Variants in CATSPER1 observed in about 807,000 individuals in gnomAD.
The protein encoded by CATSPER1 is cation channel sperm-associated protein 1.
A neutral mutation model predicts 72.7 loss-of-function variants in CATSPER1; 57 were observed. The observed-to-expected ratio is 0.78, with a 90% CI of 0.63 to 0.98. CATSPER1 has a LOEUF of 0.98. Among genes scored for constraint, CATSPER1 ranks in the 50% least tolerant of loss-of-function variants. The pLI, the probability that CATSPER1 is intolerant of heterozygous loss-of-function variation, is 0.00. For missense variants in CATSPER1, 910 were observed against 1,033.9 expected (o/e 0.88, Z 1.64); for synonymous variants, 363 against 403.0 (o/e 0.90, Z 1.19).
At chr11:66,024,341 G>A (rs1419764350) in intron 1 of CATSPER1, among the ~76,000 whole-genome samples, 1 of 143,856 alleles carries the variant, frequency 7.0e-6, no homozygotes, top group Non-Finnish European at 1.5e-5. Context: ...GCAGTGGCAC[G>A]ATCTCGGCTC....
At position 66,022,844 on chromosome 11, in the gene CATSPER1, C is replaced by A; in HGVS notation, c.1429+5G>T. On this transcript the variant is annotated splice_donor_5th_base_variant and intron_variant, in intron 2 of 11. Transcript: ENST00000312106. Reference sequence around the variant, plus strand: ...TCCATGGGAACAGGACTCCCTGGCTCTTACCGCCCCGGATCTCGACTTCAG... The same window carrying A: ...TCCATGGGAACAGGACTCCCTGGCTATTACCGCCCCGGATCTCGACTTCAG... 1.2e-6 allele frequency: 2 copies of A among 1,614,188 alleles called. No individual in the cohort carries two copies. Among genetic ancestry groups the A allele is most frequent in the Non-Finnish European group, 1.7e-6 (2 of 1,180,016 alleles).
Position 66,020,114 on chromosome 11 carries a change from G to GGGGCCAGGGC in CATSPER1, c.2125+16_2125+25dup, listed in dbSNP as rs762206946. 2 of 1,611,514 alleles carry GGGGCCAGGGC rather than the reference G, an allele frequency of 1.2e-6. No individual in the cohort carries two copies. Among genetic ancestry groups the GGGGCCAGGGC allele is most frequent in the African/African-American group, 1.3e-5 (1 of 75,008 alleles). On this transcript the variant is annotated intron_variant, in intron 9 of 11. Coordinates refer to ENST00000312106, the MANE Select transcript of CATSPER1 (RefSeq NM_053054.4). This position sits in a 1 kb window ranked among gnomAD's most constrained non-coding sequence, Gnocchi z 4.5. ...TGGCCCCCACTGCGGACGGGCAGGT[G>GGGGCCAGGGC]GGGCCAGGGCGGGCCAGGCCCATAC...
intron 9 of CATSPER1, 125 bp from the exon 10 acceptor site, chr11:66,019,027 T>G (rs534417081): frequency 1.3e-6 from 1 of 780,548 alleles, no homozygotes; most frequent in African/African-American, 1.7e-5. Flanking sequence ...AGGTTGCTTC[T>G]CCGGGCATGC....
At chr11:66,018,803 C>A (rs1392765539) in intron 10 of CATSPER1, 24 bp downstream of exon 10, 1 of 1,611,608 alleles carries the variant, frequency 6.2e-7, no homozygotes, top group African/African-American at 1.3e-5. Context: ...GACCCCAGGC[C>A]TCGCTCCCTT....
At position 66,018,847 on chromosome 11, in the gene CATSPER1, CTT is replaced by C; in HGVS notation, c.2179_2180del (p.Lys727ValfsTer6). Reference sequence around the variant, plus strand: ...CTCACTTCTCAGTCATGGTCCCAAACTTTTTCTCGATGAGCCGCTTCAGCATG... The same window carrying C: ...CTCACTTCTCAGTCATGGTCCCAAACTTTCTCGATGAGCCGCTTCAGCATG... Reference protein sequence around the residue: ...GTMLKRLIEKKFGTMTEKQQE... With the variant: ...GTMLKRLIEKXFGTMTEKQQE... On this transcript the variant is annotated frameshift_variant, in exon 10 of 12. Coordinates refer to ENST00000312106, the MANE Select transcript of CATSPER1 (RefSeq NM_053054.4). LOFTEE classifies it high-confidence loss of function. The C allele has an allele frequency of 6.2e-7, 1 of 1,613,854 alleles. No individual in the cohort carries two copies. Among genetic ancestry groups the C allele is most frequent in the Non-Finnish European group, 8.5e-7 (1 of 1,180,016 alleles).
Position 66,020,742 on chromosome 11 carries a change from G to A in CATSPER1, c.1927+69C>T. Reference sequence around the variant, plus strand: ...ATCAGAAGCCCCACTTTGCCGATGGGGTCACTGAGCCCTGGCCGGTCCACC... The same window carrying A: ...ATCAGAAGCCCCACTTTGCCGATGGAGTCACTGAGCCCTGGCCGGTCCACC... On this transcript the variant is annotated intron_variant, in intron 6 of 11. Coordinates refer to ENST00000312106, the MANE Select transcript of CATSPER1 (RefSeq NM_053054.4). The surrounding 1 kb of genome is among the most constrained non-coding windows in gnomAD (Gnocchi z 4.5). 5 of 1,609,116 alleles carry A rather than the reference G, an allele frequency of 3.1e-6. No individual in the cohort carries two copies. Among genetic ancestry groups the A allele is most frequent in the Non-Finnish European group, 4.2e-6 (5 of 1,176,922 alleles).
chr11:66,017,207 G>T, intron 10 of CATSPER1, 33 bp from the exon 11 acceptor site: 1 of 1,493,114 alleles, frequency 6.7e-7, no homozygotes, highest in Non-Finnish European at 9.1e-7. Context: ...CAGAGACAGG[G>T]GCTGGGCTGA....
rs1856350318 is a variant in CATSPER1, at chr11:66,020,872, G to C, written c.1866C>G (p.Thr622=). 3 of 1,613,916 alleles carry C rather than the reference G, an allele frequency of 1.9e-6. No individual in the cohort carries two copies. The highest frequency in any genetic ancestry group is 2.5e-6 in the Non-Finnish European group (3 of 1,180,030). ...CATCCAGCGTGAGCAAGGTGAAGAG[G>C]GTGAAGATGGTGGTGAAGATGTTCT... ...RFQNIFTTIF[T]LFTLLTLDDW... The change falls in exon 6 of 12, where the codon ACC becomes ACG. Residue 622 remains threonine (T), a synonymous_variant. Coordinates refer to ENST00000312106, the MANE Select transcript of CATSPER1 (RefSeq NM_053054.4). This position sits in a 1 kb window ranked among gnomAD's most constrained non-coding sequence, Gnocchi z 4.5.
In CATSPER1 at chr11:66,023,046, C is replaced by T. The variant is rs372720906; in HGVS notation, c.1232G>A (p.Arg411Gln). The T allele has an allele frequency of 9.3e-6, 15 of 1,614,008 alleles. No individual in the cohort carries two copies. The highest frequency in any genetic ancestry group is 1.7e-5 in the Admixed American group (1 of 60,000). The change falls in exon 2 of 12, where the codon CGG becomes CAG. Residue 411 changes from arginine to glutamine, a missense_variant. By Grantham distance (43) the Arg-to-Gln change is conservative. Coordinates refer to ENST00000312106, the MANE Select transcript of CATSPER1 (RefSeq NM_053054.4). Reference sequence around the variant, plus strand: ...GGTAGAGTGTCCCTTCTTGCGGGTCCGCTGGAGCCGGCCGGCTGAAAGGAA... The same window carrying T: ...GGTAGAGTGTCCCTTCTTGCGGGTCTGCTGGAGCCGGCCGGCTGAAAGGAA... The part of the protein sequence containing the change: ...FQKRKTGRLQ[R>Q]TRKKGHSTNL...
intron 11 of CATSPER1, 37 bp downstream of exon 11, chr11:66,017,023 C>T (rs1371235013): frequency 3.1e-6 from 5 of 1,612,424 alleles, no homozygotes; most frequent in Non-Finnish European, 4.2e-6. Flanking sequence ...CCCTGGGGTT[C>T]CCCTCGCCGG....
chr11:66,016,964 C>T (rs780772575), intron 11 of CATSPER1, 48 bp from the exon 12 acceptor site: 3 of 1,613,966 alleles, frequency 1.9e-6, no homozygotes, highest in Non-Finnish European at 1.7e-6. Context: ...CAGACTTTGC[C>T]TTCCCCGATC....
intron 2 of CATSPER1, among the ~76,000 whole-genome samples, chr11:66,022,528 T>G (rs1856395806): frequency 6.6e-6 from 1 of 152,234 alleles, no homozygotes; most frequent in African/African-American, 2.4e-5. Context: ...CTCCAGGGCC[T>G]TCTCGGGCTC....
intron 2 of CATSPER1, 37 bp downstream of exon 2, chr11:66,022,812 T>A: frequency 6.2e-7 from 1 of 1,605,524 alleles, no homozygotes; most frequent in Non-Finnish European, 8.5e-7. Context: ...AGAGCATCGG[T>A]GGCTTCTCCA....
rs974968643 is a variant in CATSPER1 at position 66,025,548 on chromosome 11, G to T, written c.832C>A (p.His278Asn). The change falls in exon 1 of 12, where the codon CAC becomes AAC. Residue 278 changes from histidine to asparagine, a missense_variant. Transcript: ENST00000312106. ...HQGDHHPSEY[H>N]HGDHPHHTQH... ...GTGTGGTGGGGATGGTCGCCATGGT[G>T]GTACTCACTGGGGTGGTGATCACCT... is the stretch of plus-strand genomic sequence containing the variant. 1.2e-6 allele frequency: 2 copies of T among 1,601,810 alleles called. No individual in the cohort carries two copies. Among genetic ancestry groups the T allele is most frequent in the African/African-American group, 2.7e-5 (2 of 74,642 alleles).
At position 66,025,643 on chromosome 11, in the gene CATSPER1, G is replaced by T. The variant is rs754481236; in HGVS notation, c.737C>A (p.Thr246Asn). The part of the protein sequence containing the change: ...QHGKSPHHGE[T>N]ISPHSSVGSY... ...CCCCACAGAGGAATGAGGGGAAATG[G>T]TCTCTCCGTGATGAGGAGACTTTCC... The change falls in exon 1 of 12, where the codon ACC becomes AAC. Residue 246 changes from threonine (T) to asparagine (N), a missense_variant. By Grantham distance (65) the Thr-to-Asn change is moderately conservative. Coordinates refer to ENST00000312106, the MANE Select transcript of CATSPER1 (RefSeq NM_053054.4). 2.5e-6 allele frequency: 4 copies of T among 1,613,652 alleles called. No individual in the cohort carries two copies. The highest frequency in any genetic ancestry group is 3.3e-5 in the Admixed American group (2 of 59,908).
chr11:66,018,537 G>A (rs1856285300), intron 10 of CATSPER1, among the ~76,000 whole-genome samples: 1 of 152,152 alleles, frequency 6.6e-6, no homozygotes, highest in Non-Finnish European at 1.5e-5. Flanking sequence ...TGTCCTCTTT[G>A]GGTCCCTGGA....
In CATSPER1 at chr11:66,026,476, G is replaced by C. The variant is rs1407904851; in HGVS notation, c.-97C>G. 3 of 1,589,542 alleles carry C rather than the reference G, an allele frequency of 1.9e-6. No homozygotes were observed. The highest frequency in any genetic ancestry group is 1.7e-6 in the Non-Finnish European group (2 of 1,173,330). ...TCTTTCCTGAGCCAAGCTCAATGCA[G>C]ACTGTGGCACTGGGCTTCCAGAAAG... On this transcript the variant is annotated 5_prime_UTR_variant, in exon 1 of 12. Coordinates refer to ENST00000312106, the MANE Select transcript of CATSPER1 (RefSeq NM_053054.4).
chr11:66,017,027 T>G, intron 11 of CATSPER1, 33 bp downstream of exon 11: 1 of 1,612,812 alleles, frequency 6.2e-7, no homozygotes, highest in Non-Finnish European at 8.5e-7. Flanking sequence ...GGGGTTCCCC[T>G]CGCCGGCCCC....
At position 66,025,998 on chromosome 11, in the gene CATSPER1, C is replaced by G. The variant is rs367568797; in HGVS notation, c.382G>C (p.Asp128His). Residue 128 changes from aspartate (D) to histidine (H), a missense_variant, in exon 1 of 12, where the codon GAT (aspartate) becomes CAT (histidine). Coordinates refer to ENST00000312106, the MANE Select transcript of CATSPER1 (RefSeq NM_053054.4). ...TGGAACCCACCGTATTGGGACCCAT[C>G]ATGATGCCTCCTGCCATCACGTTGG... is the stretch of plus-strand genomic sequence containing the variant. ...ELQRDGRRHH[D>H]GSQYGGFHQQ... 89 of 1,613,974 alleles carry G rather than the reference C, an allele frequency of 5.5e-5. No individual in the cohort carries two copies. In the African/African-American group the frequency reaches 9.9e-4, roughly 18 times the overall value.
Sources: allele counts gnomAD v4.1 joint callset (sites outside exome capture counted in the v4.1 genomes callset), GRCh38; gene constraint gnomAD v4.1.1; non-coding constraint Gnocchi (gnomAD v3.1); transcripts MANE v1.5; gene names NCBI Gene and HGNC (gene_info 2026-07-23, HGNC 2026-07-21).